EPHB1: variants seen among roughly 807,000 people sequenced by gnomAD.
EPHB1 encodes ephrin type-B receptor 1.
EPHB1 carries 30 observed loss-of-function variants against 94.4 expected under a neutral mutation model. The ratio of observed to expected loss-of-function variants is 0.32; its 90% CI spans 0.24 to 0.43. The LOEUF (loss-of-function observed/expected upper bound fraction) is 0.43, where lower values mean the gene tolerates loss of function less well. EPHB1 is among the 20% of genes least tolerant of loss of function. EPHB1 has a pLI of 1.00. For missense variants in EPHB1, 1,055 were observed against 1,308.3 expected (o/e 0.81, Z 2.99); for synonymous variants, 522 against 489.1 (o/e 1.07, Z -0.89).
intron 1 of EPHB1, among the ~76,000 whole-genome samples, chr3:134,867,177 A>C (rs1162361978): frequency 1.3e-5 from 2 of 152,160 alleles, no homozygotes; most frequent in Non-Finnish European, 2.9e-5. Context: ...ACATTTCTTC[A>C]TGAGCCTTAG....
At chr3:134,979,001 T>G (rs1344957815) in intron 3 of EPHB1, among the ~76,000 whole-genome samples, 1 of 152,204 alleles carries the variant, frequency 6.6e-6, no homozygotes, top group African/African-American at 2.4e-5. Context: ...CCAGGGGCCT[T>G]GGGGTCTGGC....
chr3:135,022,049 G>A (rs1479770540), intron 3 of EPHB1, among the ~76,000 whole-genome samples: 4 of 152,094 alleles, frequency 2.6e-5, no homozygotes, highest in South Asian at 2.1e-4. Flanking sequence ...GCACGATCTC[G>A]GCTCACTGCA....
intron 1 of EPHB1, among the ~76,000 whole-genome samples, chr3:134,849,658 TAGG>T (rs2036939428): frequency 6.6e-6 from 1 of 152,066 alleles, no homozygotes; most frequent in Non-Finnish European, 1.5e-5. Context: ...AGGACAGAGC[TAGG>T]AGATTATGGG....
chr3:135,137,414 A>G (rs925706385), intron 5 of EPHB1, among the ~76,000 whole-genome samples: 3 of 152,212 alleles, frequency 2.0e-5, no homozygotes, highest in Non-Finnish European at 2.9e-5. Flanking sequence ...CCAATTCTGG[A>G]TTTAGCCTGT....
chr3:135,256,173 A>G (rs369745446), intron 15 of EPHB1, among the ~76,000 whole-genome samples: 3 of 152,126 alleles, frequency 2.0e-5, no homozygotes, highest in African/African-American at 7.2e-5. Flanking sequence ...TCTTTATCCA[A>G]TTTGCCAGTC....
intron 1 of EPHB1, among the ~76,000 whole-genome samples, chr3:134,892,724 G>C: frequency 1.3e-5 from 2 of 152,066 alleles, no homozygotes; most frequent in Middle Eastern, 6.8e-3. Flanking sequence ...ATCTCTGTAG[G>C]TCTCTATTCT....
intron 15 of EPHB1, among the ~76,000 whole-genome samples, chr3:135,251,513 G>A (rs1008678684): frequency 6.6e-6 from 1 of 152,084 alleles, no homozygotes. Flanking sequence ...ATAAATTAAG[G>A]GATTTCATTC....
chr3:134,870,470 TG>T lies in EPHB1; in HGVS notation c.59-55342del, dbSNP rs200802695. Among the ~76,000 whole-genome samples the T allele has an allele frequency of 6.3e-3, 954 of 152,302 alleles. 10 individuals are homozygous for T. The highest frequency in any genetic ancestry group is 0.022 in the African/African-American group (908 of 41,562). ...AAAGGGGAGTTTTCCTGCCATCAACTGGGGAATATTCAGAAGCCCACTTAGA... is the reference window on the plus strand; with the variant it reads ...AAAGGGGAGTTTTCCTGCCATCAACTGGGAATATTCAGAAGCCCACTTAGA... On this transcript the variant is annotated intron_variant, in intron 1 of 15. Coordinates refer to ENST00000398015, the MANE Select transcript of EPHB1 (RefSeq NM_004441.5).
intron 4 of EPHB1, among the ~76,000 whole-genome samples, chr3:135,121,862 G>C (rs2107683383): frequency 6.6e-6 from 1 of 151,978 alleles, no homozygotes; most frequent in Middle Eastern, 3.4e-3. Context: ...CTTCTAGAAA[G>C]TGAATAGATG....
chr3:135,120,148 A>G (rs1939891473), intron 4 of EPHB1, among the ~76,000 whole-genome samples: 1 of 152,196 alleles, frequency 6.6e-6, no homozygotes, highest in Non-Finnish European at 1.5e-5. Flanking sequence ...AAATGTCATT[A>G]AACAATCCTG....
chr3:135,257,741 C>G lies in EPHB1; in HGVS notation c.2847-1271C>G, dbSNP rs1416802253. 2.8e-5 allele frequency among the ~76,000 whole-genome samples: 4 copies of G among 143,372 alleles called. No homozygotes were observed. In the South Asian group the frequency reaches 9.4e-4, roughly 34 times the overall value. 94.1% of individuals were successfully genotyped at this position (143,372 alleles called of 152,430 possible). On this transcript the variant is annotated intron_variant, in intron 15 of 15. Transcript: ENST00000398015. ...CAGGCCTCCTTGAGCTGGGCTCCAC[C>G]CAGTTCGAGCTTCCCGGCTGCTTTG...
chr3:134,987,642 G>C (rs1207096542), intron 3 of EPHB1, among the ~76,000 whole-genome samples: 1 of 152,122 alleles, frequency 6.6e-6, no homozygotes, highest in Admixed American at 6.5e-5. Context: ...GTGGTGGCAC[G>C]CGCTTGTAGT....
At chr3:135,125,070 T>C (rs943644412) in intron 4 of EPHB1, among the ~76,000 whole-genome samples, 2 of 151,664 alleles carry the variant, frequency 1.3e-5, no homozygotes, top group Non-Finnish European at 2.9e-5. Context: ...CAATGCTTGG[T>C]CTGTTTTTTT....
Position 135,017,540 on chromosome 3 carries a change from G to A in EPHB1, c.805+65488G>A, listed in dbSNP as rs534335606. ...CCATAGCTGTGGCTCTGGTGTCCCA[G>A]CACCTGCTTCCCGTAGCTCCCACAG... On this transcript the variant is annotated intron_variant, in intron 3 of 15. Coordinates refer to ENST00000398015, the MANE Select transcript of EPHB1 (RefSeq NM_004441.5). Among the ~76,000 whole-genome samples, 14 of 152,262 alleles carry A rather than the reference G, an allele frequency of 9.2e-5. No individual in the cohort carries two copies. In the South Asian group the frequency reaches 2.3e-3, roughly 25 times the overall value.
chr3:135,132,661 C>T (rs115158688), intron 4 of EPHB1, 53 bp from the exon 5 acceptor site: 52 of 1,472,934 alleles, frequency 3.5e-5, no homozygotes, highest in East Asian at 2.6e-4. Flanking sequence ...AGAGAGCTGC[C>T]GGACAAGGAA....
intron 1 of EPHB1, among the ~76,000 whole-genome samples, chr3:134,854,789 T>G (rs1449121117): frequency 6.6e-6 from 1 of 152,222 alleles, no homozygotes; most frequent in African/African-American, 2.4e-5. Flanking sequence ...ATTTATGTCT[T>G]TACGCTTGGT....
At chr3:134,824,925 T>G (rs2036448048) in intron 1 of EPHB1, among the ~76,000 whole-genome samples, 1 of 152,274 alleles carries the variant, frequency 6.6e-6, no homozygotes, top group Admixed American at 6.5e-5. Context: ...TGACTGCAGC[T>G]CCTGCCAACA....
chr3:135,096,878 A>C (rs1938793514), intron 3 of EPHB1, among the ~76,000 whole-genome samples: 1 of 152,082 alleles, frequency 6.6e-6, no homozygotes, highest in Admixed American at 6.5e-5. Flanking sequence ...GGGGCGGATC[A>C]CGAGGTCGGG....
chr3:135,230,895 C>A (rs1385246247), intron 12 of EPHB1, among the ~76,000 whole-genome samples: 2 of 152,230 alleles, frequency 1.3e-5, no homozygotes, highest in African/African-American at 2.4e-5. Flanking sequence ...CAAAGGACAT[C>A]ATTTCTTTCT....
Sources: gnomAD v4.1 joint callset for allele counts (sites outside exome capture counted in the v4.1 genomes callset) on GRCh38, gnomAD v4.1.1 for gene constraint, MANE v1.5 for transcripts, NCBI Gene and HGNC (gene_info 2026-07-23, HGNC 2026-07-21) for gene names.